The following GRIN1 variants were observed in gnomAD, a reference collection of about 807,000 sequenced individuals.
The protein encoded by GRIN1 is glutamate ionotropic receptor NMDA type subunit 1.
A neutral mutation model predicts 103.0 loss-of-function variants in GRIN1; 38 were observed. That is an observed-to-expected ratio of 0.37 (90% CI 0.28 to 0.48). The LOEUF (loss-of-function observed/expected upper bound fraction) is 0.48. Ranked by LOEUF, GRIN1 falls within the 20% of genes least tolerant of loss-of-function variation. The pLI is 0.98. For synonymous variants in GRIN1, 544 were observed against 532.7 expected, an observed-to-expected ratio of 1.02 and a Z score of -0.29; for missense variants, 577 against 1,288.9, an observed-to-expected ratio of 0.45 and a Z score of 8.46.
At position 137,148,960 on chromosome 9, in the gene GRIN1, C is replaced by A. The variant is rs202010242; in HGVS notation, c.571-49C>A. The A allele has an allele frequency of 3.7e-6, 5 of 1,344,846 alleles. No homozygotes were observed. The East Asian group carries it at 1.2e-4, about 32-fold the overall frequency. The allele number at this position is 1,344,846 out of a possible 1,614,324, so 83.3% of individuals were successfully genotyped here. On this transcript the variant is annotated intron_variant, in intron 3 of 19. Transcript: ENST00000371561. ...CGGCCCAACTCTCACCCCTGAGGCG[C>A]TATGTCCCCTGCCCCAGCCGCCTGC... is the stretch of plus-strand genomic sequence containing the variant.
Position 137,139,687 on chromosome 9 carries a change from C to A in GRIN1, c.201C>A (p.His67Gln). 6.2e-7 allele frequency: 1 copy of A among 1,613,930 alleles called. No homozygotes were observed. Among genetic ancestry groups the A allele is most frequent in the Non-Finnish European group, 8.5e-7 (1 of 1,179,960 alleles). Residue 67 changes from histidine to glutamine, a missense_variant, in exon 1 of 20, where the codon CAC (histidine) becomes CAA (glutamine). Around this residue, in one of 9 missense-constraint regions of GRIN1, gnomAD observed 308 missense variants for 553.6 expected, o/e 0.56. Transcript: ENST00000371561. The surrounding 1 kb of genome is among the most constrained non-coding windows in gnomAD (Gnocchi z 7.7). ...AGCTCAATGCCACCTCCGTCACGCA[C>A]AAGCCCAACGCCATCCAGATGGCTC... ...KIQLNATSVT[H>Q]KPNAIQMALS...
chr9:137,146,740 G>A lies in GRIN1; in HGVS notation c.570+838G>A, dbSNP rs921789352. Reference sequence around the variant, plus strand: ...CCAGCTCCTGATCAAGCAGTGGGAGGAGGCCCAGGCTGAGGAGGGCCAGAC... The same window carrying A: ...CCAGCTCCTGATCAAGCAGTGGGAGAAGGCCCAGGCTGAGGAGGGCCAGAC... On this transcript the variant is annotated intron_variant, in intron 3 of 19. Transcript: ENST00000371561. This position sits in a 1 kb window ranked among gnomAD's most constrained non-coding sequence, Gnocchi z 6.7. 1.3e-5 allele frequency among the ~76,000 whole-genome samples: 2 copies of A among 152,276 alleles called. No homozygotes were observed. Among genetic ancestry groups the A allele is most frequent in the South Asian group, 4.1e-4 (2 of 4,822 alleles).
chr9:137,161,248 G>A, intron 9 of GRIN1, 41 bp from the exon 10 acceptor site: 1 of 1,610,902 alleles, frequency 6.2e-7, no homozygotes, highest in Admixed American at 1.7e-5. Flanking sequence ...CGGGGCGTGG[G>A]GCGGTCTGGA....
chr9:137,163,918 C>A lies in GRIN1; in HGVS notation c.2589+14C>A. On this transcript the variant is annotated intron_variant, in intron 18 of 19. Transcript: ENST00000371561. ...AAGAACCTGCAGGTAGGGCAGGCCACCCTCCGAGGCCTGGTGCCCAGGGCC... is the reference window on the plus strand; with the variant it reads ...AAGAACCTGCAGGTAGGGCAGGCCAACCTCCGAGGCCTGGTGCCCAGGGCC... 6.2e-7 allele frequency: 1 copy of A among 1,611,930 alleles called. No individual in the cohort carries two copies. Among genetic ancestry groups the A allele is most frequent in the Non-Finnish European group, 8.5e-7 (1 of 1,179,580 alleles).
At chr9:137,145,701 C>T (rs1222674542) in intron 2 of GRIN1, 25 bp from the exon 3 acceptor site, 1 of 1,604,732 alleles carries the variant, frequency 6.2e-7, no homozygotes, top group Non-Finnish European at 8.5e-7. Flanking sequence ...TCCACCTCAG[C>T]CCGCCGTGCC....
chr9:137,162,378 TC>T, intron 12 of GRIN1, 25 bp from the exon 13 acceptor site: 1 of 1,572,528 alleles, frequency 6.4e-7, no homozygotes, highest in Non-Finnish European at 8.6e-7. Flanking sequence ...CCGCCCTCTC[TC>T]CCGCCCGCCC....
Position 137,139,424 on chromosome 9 carries a change from G to C in GRIN1, c.-63G>C. ...GAGCGCAGGACGGCCCGGAAGCCCC[G>C]CGGGGGATGCGCCGAGGGCCCCGCG... On this transcript the variant is annotated 5_prime_UTR_variant, in exon 1 of 20. Transcript: ENST00000371561. The surrounding 1 kb of genome is among the most constrained non-coding windows in gnomAD (Gnocchi z 7.7). 2 of 1,289,448 alleles carry C rather than the reference G, an allele frequency of 1.6e-6. No homozygotes were observed. The highest frequency in any genetic ancestry group is 2.0e-6 in the Non-Finnish European group (2 of 1,001,554). 79.9% of individuals were successfully genotyped at this position (1,289,448 alleles called of 1,614,324 possible).
chr9:137,164,012 TGGAGCTA>T, intron 18 of GRIN1, 108 bp downstream of exon 18: 2 of 1,334,208 alleles, frequency 1.5e-6, no homozygotes, highest in Non-Finnish European at 2.1e-6. Context: ...TGGGCAGGAC[TGGAGCTA>T]GGAGCCATGG....
chr9:137,165,215 C>T lies in GRIN1; in HGVS notation c.2619C>T (p.Asp873=). 2 of 1,611,388 alleles carry T rather than the reference C, an allele frequency of 1.2e-6. No homozygotes were observed. Among genetic ancestry groups the T allele is most frequent in the Non-Finnish European group, 8.5e-7 (1 of 1,178,366 alleles). ...QDRKSGRAEP[D]PKKKATFRAI... ...GAAAGAGTGGTAGAGCAGAGCCTGA[C>T]CCTAAAAAGAAAGCCACATTTAGGG... Residue 873 remains aspartate, a synonymous_variant, in exon 19 of 20, where the codon GAC becomes GAT. Transcript: ENST00000371561.
At chr9:137,160,234 C>T (rs951057191) in intron 8 of GRIN1, among the ~76,000 whole-genome samples, 3 of 152,202 alleles carry the variant, frequency 2.0e-5, no homozygotes, top group Admixed American at 1.3e-4. Context: ...ACAGGCAGTG[C>T]GCCGGGATGA....
chr9:137,167,978 A>T lies in GRIN1; in HGVS notation c.*451A>T. 1 of 789,140 alleles carries T rather than the reference A, an allele frequency of 1.3e-6. No individual in the cohort carries two copies. Among genetic ancestry groups the T allele is most frequent in the Non-Finnish European group, 2.1e-6 (1 of 474,358 alleles). 48.9% of individuals were successfully genotyped at this position (789,140 alleles called of 1,614,324 possible). Reference sequence around the variant, plus strand: ...GGGCCTCCCGTCCGTCCGCCCGCCCACCCCGCTGCCTGGCGGGCAGCCCCT... The same window carrying T: ...GGGCCTCCCGTCCGTCCGCCCGCCCTCCCCGCTGCCTGGCGGGCAGCCCCT... On this transcript the variant is annotated 3_prime_UTR_variant, in exon 20 of 20. Transcript: ENST00000371561.
Position 137,163,345 on chromosome 9 carries a change from G to A in GRIN1, c.2333+15G>A, listed in dbSNP as rs1833666872. On this transcript the variant is annotated intron_variant, in intron 16 of 19. Coordinates refer to ENST00000371561, the MANE Select transcript of GRIN1 (RefSeq NM_007327.4). The stretch of plus-strand genomic sequence containing the variant: ...TCCATCCTCAAGTGAGTGTCCGTGC[G>A]CCCGCGTCCCTCCTCCGCCCCTCTC... 6.2e-7 allele frequency: 1 copy of A among 1,612,678 alleles called. No individual in the cohort carries two copies. Among genetic ancestry groups the A allele is most frequent in the Non-Finnish European group, 8.5e-7 (1 of 1,179,704 alleles).
intron 8 of GRIN1, 136 bp from the exon 9 acceptor site, chr9:137,160,920 C>T (rs1833500287): frequency 2.7e-6 from 3 of 1,101,406 alleles, no homozygotes; most frequent in South Asian, 2.7e-5. Context: ...CAGTGGCCGG[C>T]GGCGCAGGGC....
Position 137,139,666 on chromosome 9 carries a change from C to G in GRIN1, c.180C>G (p.Leu60=), listed in dbSNP as rs1411983565. ...NKRHGSWKIQ[L]NATSVTHKPN... is the part of the protein sequence containing the mutation. The stretch of plus-strand genomic sequence containing the variant: ...GGCACGGCTCCTGGAAGATTCAGCT[C>G]AATGCCACCTCCGTCACGCACAAGC... The change falls in exon 1 of 20, where the codon CTC becomes CTG. Residue 60 remains leucine (L), a synonymous_variant. Transcript: ENST00000371561. This position sits in a 1 kb window ranked among gnomAD's most constrained non-coding sequence, Gnocchi z 7.7. The G allele has an allele frequency of 1.2e-6, 2 of 1,613,872 alleles. No homozygotes were observed. The highest frequency in any genetic ancestry group is 1.1e-5 in the South Asian group (1 of 91,080).
In GRIN1 at chr9:137,153,827, G is replaced by C. The variant is rs1015678303; in HGVS notation, c.672-2842G>C. Reference sequence around the variant, plus strand: ...CCAACATAACTCTTTCTCTTTTTTGGGGAGATAGAGTCTTGCTCTGTTGCC... The same window carrying C: ...CCAACATAACTCTTTCTCTTTTTTGCGGAGATAGAGTCTTGCTCTGTTGCC... On this transcript the variant is annotated intron_variant, in intron 4 of 19. Coordinates refer to ENST00000371561, the MANE Select transcript of GRIN1 (RefSeq NM_007327.4). 3.3e-5 allele frequency among the ~76,000 whole-genome samples: 5 copies of C among 152,218 alleles called. No homozygotes were observed. The Middle Eastern group carries it at 0.014, about 414-fold the overall frequency.
chr9:137,156,172 A>G (rs1472033583), intron 4 of GRIN1, among the ~76,000 whole-genome samples: 2 of 152,132 alleles, frequency 1.3e-5, no homozygotes, highest in Non-Finnish European at 2.9e-5. Context: ...ATCCCCGTAA[A>G]ACACTTCGAG....
In GRIN1 at chr9:137,163,728, A is replaced by G. The variant is rs1056302218; in HGVS notation, c.2444-31A>G. 3.7e-6 allele frequency: 6 copies of G among 1,613,536 alleles called. No individual in the cohort carries two copies. The African/African-American group carries it at 6.7e-5, about 18-fold the overall frequency. On this transcript the variant is annotated intron_variant, in intron 17 of 19. Transcript: ENST00000371561. ...TCCGTGGGCTGCGGCCTCCCTGGCC[A>G]GCAACTGAGGCTCTGGGTCCCGGCA...
intron 1 of GRIN1, 60 bp from the exon 2 acceptor site, chr9:137,141,953 C>G: frequency 6.3e-7 from 1 of 1,595,208 alleles, no homozygotes; most frequent in Non-Finnish European, 8.6e-7. Flanking sequence ...AGATCTCAGC[C>G]TCTAACCCAG....
At chr9:137,143,447 G>A (rs1291340667) in intron 2 of GRIN1, among the ~76,000 whole-genome samples, 3 of 152,210 alleles carry the variant, frequency 2.0e-5, no homozygotes, top group Non-Finnish European at 2.9e-5. Context: ...GACCTCCTTC[G>A]CCTCTCTGGG....
Sources: allele counts gnomAD v4.1 joint callset (sites outside exome capture counted in the v4.1 genomes callset), GRCh38; gene constraint gnomAD v4.1.1; regional missense constraint gnomAD v4.1.1; non-coding constraint Gnocchi (gnomAD v3.1); transcripts MANE v1.5; gene names NCBI Gene and HGNC (gene_info 2026-07-23, HGNC 2026-07-21).